Variants in VPS50 observed in about 807,000 individuals in gnomAD.
VPS50 encodes syndetin.
A neutral mutation model predicts 139.7 loss-of-function variants in VPS50; 70 were observed. The ratio of observed to expected loss-of-function variants is 0.50; its 90% CI spans 0.41 to 0.61. The LOEUF (loss-of-function observed/expected upper bound fraction) is 0.61. Ranked by LOEUF, VPS50 falls within the 20% of genes least tolerant of loss-of-function variation. The pLI is 0.00. For missense variants in VPS50, 921 were observed against 1,133.7 expected (o/e 0.81, Z 2.69); for synonymous variants, 365 against 376.7 (o/e 0.97, Z 0.36).
intron 20 of VPS50, chr7:93,320,868 C>G (rs1056942184): frequency 3.3e-5 from 5 of 152,510 alleles, no homozygotes; most frequent in African/African-American, 1.2e-4. Flanking sequence ...CAGCTTGATT[C>G]TAAGTAGTTA....
At chr7:93,313,018 C>T (rs1176683051) in intron 20 of VPS50, among the ~76,000 whole-genome samples, 2 of 152,180 alleles carry the variant, frequency 1.3e-5, no homozygotes, top group African/African-American at 2.4e-5. Context: ...ATTTTTCACT[C>T]GTGATACGCA....
intron 16 of VPS50, among the ~76,000 whole-genome samples, chr7:93,300,783 A>C (rs1796952178): frequency 6.6e-6 from 1 of 151,798 alleles, no homozygotes; most frequent in Admixed American, 6.6e-5. Flanking sequence ...ATGTTGTTTT[A>C]CTAACTGAGA....
chr7:93,251,240 G>A (rs1442568093), intron 2 of VPS50, among the ~76,000 whole-genome samples: 3 of 152,000 alleles, frequency 2.0e-5, no homozygotes, highest in Non-Finnish European at 2.9e-5. Flanking sequence ...TGTTTATTGC[G>A]GCACTATTCA....
intron 12 of VPS50, among the ~76,000 whole-genome samples, chr7:93,287,698 A>G (rs772636255): frequency 6.6e-6 from 1 of 152,162 alleles, no homozygotes; most frequent in East Asian, 1.9e-4. Context: ...AAGTTGGGCT[A>G]ATAAAAGTTA....
At chr7:93,257,642 T>G in intron 6 of VPS50, 178 bp downstream of exon 6, 1 of 463,262 alleles carries the variant, frequency 2.2e-6, no homozygotes, top group Non-Finnish European at 3.8e-6. Context: ...GGGAAATATC[T>G]CTAAGTGTAC....
chr7:93,352,878 G>C (rs143419835), intron 25 of VPS50, among the ~76,000 whole-genome samples: 17 of 152,250 alleles, frequency 1.1e-4, no homozygotes, highest in African/African-American at 4.1e-4. Context: ...TTTGCAGCTA[G>C]AGTATGATTT....
In VPS50 at chr7:93,252,679, G is replaced by A. The variant is rs1214548250; in HGVS notation, c.129G>A (p.Gln43=). ...AAGAATTCAGGGAACTTCGAGAACA[G>A]CCAAGTGACCCTCAAGCTGAACAAG... ...GKEEFRELRE[Q]PSDPQAEQEL... Residue 43 remains glutamine, a synonymous_variant, in exon 3 of 28, where the codon CAG becomes CAA. Transcript: ENST00000305866. 6.2e-7 allele frequency: 1 copy of A among 1,603,090 alleles called. No homozygotes were observed.
At chr7:93,323,151 G>A (rs1460842264) in intron 20 of VPS50, 1 of 151,944 alleles carries the variant, frequency 6.6e-6, no homozygotes, top group African/African-American at 2.4e-5. Context: ...TGCTATATAT[G>A]TATAAGCTTA....
At chr7:93,260,701 G>GT (rs1179387411) in intron 9 of VPS50, among the ~76,000 whole-genome samples, 1 of 141,982 alleles carries the variant, frequency 7.0e-6, no homozygotes, top group East Asian at 2.0e-4. Context: ...TTGTTTGTTT[G>GT]TTTTTTATTT....
intron 20 of VPS50, among the ~76,000 whole-genome samples, chr7:93,322,321 C>T (rs192847486): frequency 1.3e-5 from 2 of 152,084 alleles, no homozygotes; most frequent in East Asian, 1.9e-4. Flanking sequence ...CAATTTAGGC[C>T]GGGCGCGGTG....
intron 19 of VPS50, among the ~76,000 whole-genome samples, chr7:93,310,466 G>GTT (rs138520142): frequency 6.8e-6 from 1 of 148,090 alleles, no homozygotes; most frequent in East Asian, 2.0e-4. Flanking sequence ...AAATTTAGGG[G>GTT]TTTTTTTTTT....
At chr7:93,329,488 G>T (rs1408574916) in intron 21 of VPS50, among the ~76,000 whole-genome samples, 1 of 151,610 alleles carries the variant, frequency 6.6e-6, no homozygotes, top group Non-Finnish European at 1.5e-5. Flanking sequence ...CATGTAATTG[G>T]AATACTAGAT....
Position 93,272,535 on chromosome 7 carries a change from A to G in VPS50, c.703-100A>G. The G allele has an allele frequency of 6.0e-6, 3 of 499,962 alleles. No individual in the cohort carries two copies. In the South Asian group the frequency reaches 1.0e-4, roughly 17 times the overall value. 31.0% of individuals were successfully genotyped at this position (499,962 alleles called of 1,614,324 possible). On this transcript the variant is annotated intron_variant, in intron 10 of 27. Coordinates refer to ENST00000305866, the MANE Select transcript of VPS50 (RefSeq NM_017667.4). ...CTGGTATGATAGTAAATGTATTTAAATGTTAACTAAAAGTGAGAAATTAGT... is the reference window on the plus strand; with the variant it reads ...CTGGTATGATAGTAAATGTATTTAAGTGTTAACTAAAAGTGAGAAATTAGT...
rs143347307 is a variant in VPS50, at chr7:93,337,483, G to T, written c.2058+3286G>T. Among the ~76,000 whole-genome samples, 655 of 152,176 alleles carry T rather than the reference G, an allele frequency of 4.3e-3. 15 individuals are homozygous for T. Among genetic ancestry groups the T allele is most frequent in the Admixed American group, 0.033 (501 of 15,280 alleles). ...TGTTCTATCCCTAATTAACTAGTTA[G>T]TACCTAAATTCAAAGAAACTTTTAG... On this transcript the variant is annotated intron_variant, in intron 22 of 27. Transcript: ENST00000305866.
chr7:93,334,593 G>C (rs1294934486), intron 22 of VPS50, among the ~76,000 whole-genome samples: 2 of 152,202 alleles, frequency 1.3e-5, no homozygotes, highest in African/African-American at 2.4e-5. Flanking sequence ...CCCGAAGTTT[G>C]ACAGATCTTA....
At chr7:93,274,014 A>G (rs1158644795) in intron 11 of VPS50, among the ~76,000 whole-genome samples, 2 of 152,070 alleles carry the variant, frequency 1.3e-5, no homozygotes, top group Non-Finnish European at 2.9e-5. Flanking sequence ...TAAAATGGTG[A>G]ACTTAATTCA....
chr7:93,337,051 G>A (rs1172902573), intron 22 of VPS50, among the ~76,000 whole-genome samples: 2 of 152,148 alleles, frequency 1.3e-5, no homozygotes, highest in Non-Finnish European at 2.9e-5. Context: ...TTATTTAAGT[G>A]TGCAGTAAGC....
chr7:93,251,521 G>A (rs1328767968), intron 2 of VPS50, among the ~76,000 whole-genome samples: 2 of 150,818 alleles, frequency 1.3e-5, no homozygotes, highest in Non-Finnish European at 3.0e-5. Context: ...TTATTGGGGG[G>A]TGGGGGGCTA....
At chr7:93,257,988 G>A (rs1458790290) in intron 6 of VPS50, 171 bp from the exon 7 acceptor site, 1 of 508,798 alleles carries the variant, frequency 2.0e-6, no homozygotes, top group Admixed American at 3.7e-5. Context: ...GTGGTGTTCT[G>A]AGTAATGCTG....
Sources: allele counts gnomAD v4.1 joint callset (sites outside exome capture counted in the v4.1 genomes callset), GRCh38; gene constraint gnomAD v4.1.1; transcripts MANE v1.5; gene names NCBI Gene and HGNC (gene_info 2026-07-23, HGNC 2026-07-21).